The following GLO1 variants were observed in gnomAD, a reference collection of about 807,000 sequenced individuals.
The protein encoded by GLO1 is lactoylglutathione lyase.
Under a neutral mutation model 26.0 loss-of-function variants are expected in GLO1, and 28 were observed. The ratio of observed to expected loss-of-function variants is 1.08; its 90% CI spans 0.80 to 1.48. The LOEUF (loss-of-function observed/expected upper bound fraction) is 1.48, where lower values mean the gene tolerates loss of function less well. Among genes scored for constraint, GLO1 ranks in the 40% most tolerant of loss-of-function variants. The pLI, the probability that GLO1 is intolerant of heterozygous loss-of-function variation, is 0.00. For synonymous variants in GLO1, 78 were observed against 77.6 expected, an observed-to-expected ratio of 1.00 and a Z score of -0.03; for missense variants, 225 against 224.8, an observed-to-expected ratio of 1.00 and a Z score of -0.01.
Position 38,677,215 on chromosome 6 carries a change from C to G in GLO1, c.*80G>C. 1.3e-6 allele frequency: 1 copy of G among 783,500 alleles called. No individual in the cohort carries two copies. Among genetic ancestry groups the G allele is most frequent in the Non-Finnish European group, 2.3e-6 (1 of 430,740 alleles). The allele number at this position is 783,500 out of a possible 1,614,324, so 48.5% of individuals were successfully genotyped here. On this transcript the variant is annotated 3_prime_UTR_variant, in exon 6 of 6. Transcript: ENST00000373365. ...GAATCGGGACAGTGATCCATCAGTC[C>G]TAGATGCTTCTGGTATGTAAATATC... is the stretch of plus-strand genomic sequence containing the variant.
intron 1 of GLO1, among the ~76,000 whole-genome samples, chr6:38,697,434 C>A (rs967149505): frequency 6.6e-6 from 1 of 152,132 alleles, no homozygotes; most frequent in Non-Finnish European, 1.5e-5. Flanking sequence ...GAGAATCACC[C>A]TAGGGCAGAA....
rs534567872 is a variant in GLO1 at position 38,682,545 on chromosome 6, A to T, written c.376+263T>A. Reference sequence around the variant, plus strand: ...GATTAGTATTAACTACAGCTTTTTTAAAAAAAAAAGTCTACTGGAAATTAA... The same window carrying T: ...GATTAGTATTAACTACAGCTTTTTTTAAAAAAAAAGTCTACTGGAAATTAA... On this transcript the variant is annotated intron_variant, in intron 4 of 5. Transcript: ENST00000373365. Among the ~76,000 whole-genome samples the T allele has an allele frequency of 4.5e-4, 63 of 140,610 alleles. 2 individuals carry two copies. The South Asian group carries it at 4.9e-3, about 11-fold the overall frequency. 92.2% of individuals were successfully genotyped at this position (140,610 alleles called of 152,430 possible). A position where few individuals can be genotyped will look rare whatever the true frequency, so the allele number is the denominator to read the frequency against.
In GLO1 at chr6:38,702,898, G is replaced by C. The variant is rs911649720; in HGVS notation, c.84+73C>G. 96 of 841,982 alleles carry C rather than the reference G, an allele frequency of 1.1e-4. 1 individual carries two copies. The highest frequency in any genetic ancestry group is 6.2e-4 in the East Asian group (24 of 38,516). The allele number at this position is 841,982 out of a possible 1,614,324, so 52.2% of individuals were successfully genotyped here. On this transcript the variant is annotated intron_variant, in intron 1 of 5. Transcript: ENST00000373365. ...GCGGACCTGCAGCGGCGGCGGGATG[G>C]GGTTGGATAGAATGCGGCCCGGTCC... is the stretch of plus-strand genomic sequence containing the variant.
intron 1 of GLO1, among the ~76,000 whole-genome samples, chr6:38,700,167 G>A (rs544191405): frequency 6.8e-4 from 103 of 152,292 alleles, no homozygotes; most frequent in African/African-American, 2.4e-3. Context: ...CAATACTTAT[G>A]GAAAATAGAA....
At chr6:38,688,491 G>T (rs1761486706) in intron 1 of GLO1, among the ~76,000 whole-genome samples, 2 of 152,084 alleles carry the variant, frequency 1.3e-5, no homozygotes, top group African/African-American at 4.8e-5. Flanking sequence ...TTAAAACAAG[G>T]CACTATGAAC....
chr6:38,695,400 CAT>C (rs767709435), intron 1 of GLO1, among the ~76,000 whole-genome samples: 5 of 152,052 alleles, frequency 3.3e-5, no homozygotes, highest in Non-Finnish European at 7.4e-5. Flanking sequence ...CACACACACA[CAT>C]AACTTATCAG....
At chr6:38,690,644 T>G (rs1162178883) in intron 1 of GLO1, among the ~76,000 whole-genome samples, 1 of 152,162 alleles carries the variant, frequency 6.6e-6, no homozygotes. Context: ...TTTAACTTTA[T>G]TATTAAGAGA....
At chr6:38,682,722 G>T in intron 4 of GLO1, 86 bp downstream of exon 4, 1 of 698,980 alleles carries the variant, frequency 1.4e-6, no homozygotes. Flanking sequence ...GGACATTAAT[G>T]TTTTAGGTTT....
intron 1 of GLO1, among the ~76,000 whole-genome samples, chr6:38,699,480 G>C (rs781032960): frequency 9.9e-5 from 15 of 152,164 alleles, no homozygotes; most frequent in Non-Finnish European, 2.2e-4. Context: ...AGGTCTGACT[G>C]CCTGAGGGGT....
chr6:38,702,411 A>G (rs887191013), intron 1 of GLO1, among the ~76,000 whole-genome samples: 5 of 152,238 alleles, frequency 3.3e-5, no homozygotes, highest in Non-Finnish European at 7.3e-5. Flanking sequence ...TTTCAGATCC[A>G]AACTCTATGA....
Position 38,682,040 on chromosome 6 carries a change from TC to T in GLO1, c.437del (p.Gly146GlufsTer5). On this transcript the variant is annotated frameshift_variant, in exon 5 of 6. Transcript: ENST00000373365. LOFTEE classifies it high-confidence loss of function. ...CATCAGGTTTCTTCACAAATTTGAC[TC>T]CCAGTTCTTCAAACCTTTTACAAGC... is the stretch of plus-strand genomic sequence containing the variant. ...YSACKRFEEL[G>X]VKFVKKPDDG... 1 of 1,582,668 alleles carries T rather than the reference TC, an allele frequency of 6.3e-7. No individual in the cohort carries two copies. Among genetic ancestry groups the T allele is most frequent in the Non-Finnish European group, 8.7e-7 (1 of 1,151,274 alleles).
chr6:38,700,207 TC>T (rs1158643298), intron 1 of GLO1, among the ~76,000 whole-genome samples: 6 of 152,110 alleles, frequency 3.9e-5, no homozygotes, highest in African/African-American at 1.2e-4. Flanking sequence ...TGGGGTGGGT[TC>T]CCCCCGTATC....
intron 5 of GLO1, among the ~76,000 whole-genome samples, chr6:38,680,724 T>A (rs1582773556): frequency 6.6e-6 from 1 of 152,190 alleles, no homozygotes; most frequent in African/African-American, 2.4e-5. Context: ...AACTCATCTC[T>A]ACAAAAAAAT....
At chr6:38,691,903 A>T (rs1035676976) in intron 1 of GLO1, among the ~76,000 whole-genome samples, 4 of 152,124 alleles carry the variant, frequency 2.6e-5, no homozygotes, top group Non-Finnish European at 5.9e-5. Flanking sequence ...TAGTGTGGGT[A>T]TATTTTGGGG....
chr6:38,694,102 T>C (rs1461924902), intron 1 of GLO1, among the ~76,000 whole-genome samples: 2 of 152,184 alleles, frequency 1.3e-5, no homozygotes, highest in Non-Finnish European at 2.9e-5. Flanking sequence ...TCCCAGTGCT[T>C]GAAGATGTTC....
intron 5 of GLO1, among the ~76,000 whole-genome samples, chr6:38,678,135 A>G (rs1761295152): frequency 6.6e-6 from 1 of 152,184 alleles, no homozygotes; most frequent in South Asian, 2.1e-4. Context: ...TTCTCCCAGG[A>G]ATTCAAAACT....
intron 1 of GLO1, among the ~76,000 whole-genome samples, chr6:38,693,924 A>T (rs2127548170): frequency 6.6e-6 from 1 of 151,978 alleles, no homozygotes; most frequent in African/African-American, 2.4e-5. Context: ...GTTAGCCAGG[A>T]TGGTCTCGAT....
intron 4 of GLO1, 23 bp from the exon 5 acceptor site, chr6:38,682,124 A>C: frequency 8.4e-7 from 1 of 1,194,424 alleles, no homozygotes; most frequent in Non-Finnish European, 1.3e-6. Flanking sequence ...CCCCCGAAAA[A>C]AGCAGAGAGA....
In GLO1 at chr6:38,676,798, T is replaced by C. The variant is rs1761249443; in HGVS notation, c.*497A>G. 1 of 152,452 alleles carries C rather than the reference T, an allele frequency of 6.6e-6. No homozygotes were observed. The highest frequency in any genetic ancestry group is 1.5e-5 in the Non-Finnish European group (1 of 68,242). 9.4% of individuals were successfully genotyped at this position (152,452 alleles called of 1,614,324 possible). ...TTTTCTATCAGTATCCTTGTCAGCATGATTTGAATTGCTCTCAAGAGTACC... is the reference window on the plus strand; with the variant it reads ...TTTTCTATCAGTATCCTTGTCAGCACGATTTGAATTGCTCTCAAGAGTACC... On this transcript the variant is annotated 3_prime_UTR_variant, in exon 6 of 6. Transcript: ENST00000373365.
Sources: gnomAD v4.1 joint callset for allele counts (sites outside exome capture counted in the v4.1 genomes callset) on GRCh38, gnomAD v4.1.1 for gene constraint, MANE v1.5 for transcripts, NCBI Gene and HGNC (gene_info 2026-07-23, HGNC 2026-07-21) for gene names.